Variants in POLN observed in about 807,000 individuals in gnomAD.
POLN encodes the protein DNA polymerase N.
In POLN, 108 loss-of-function variants were observed where a neutral mutation model predicts 113.5. That is an observed-to-expected ratio of 0.95 (90% CI 0.81 to 1.12). The LOEUF (loss-of-function observed/expected upper bound fraction) is 1.12. POLN is among the 50% of genes most tolerant of loss of function. The pLI, the probability that POLN is intolerant of heterozygous loss-of-function variation, is 0.00. For synonymous variants in POLN, 386 were observed against 391.5 expected (o/e 0.99, Z 0.17); for missense variants, 1,097 against 1,077.1 (o/e 1.02, Z -0.26).
rs1386479317 is a variant in POLN, at chr4:2,115,230, T to TA, written c.1982+12882_1982+12883insT. Among the ~76,000 whole-genome samples, 569 of 114,374 alleles carry TA rather than the reference T, an allele frequency of 5.0e-3. 3 individuals carry two copies. Among genetic ancestry groups the TA allele is most frequent in the Middle Eastern group, 0.012 (3 of 248 alleles). The allele number at this position is 114,374 out of a possible 152,430, so 75.0% of individuals were successfully genotyped here. The stretch of plus-strand genomic sequence containing the variant: ...CAGCTATATATATATATATATATAT[T>TA]TTTTTTTTTGTAGTTTTAGTAGAGA... On this transcript the variant is annotated intron_variant, in intron 19 of 25. Coordinates refer to ENST00000511885, the MANE Select transcript of POLN (RefSeq NM_181808.4).
chr4:2,129,981 C>A (rs561465162), intron 17 of POLN, among the ~76,000 whole-genome samples: 1 of 151,818 alleles, frequency 6.6e-6, no homozygotes, highest in South Asian at 2.1e-4. Flanking sequence ...GGGCGGGGAG[C>A]ACTGGCTCAC....
At chr4:2,173,025 C>T (rs1404735084) in intron 11 of POLN, among the ~76,000 whole-genome samples, 1 of 152,172 alleles carries the variant, frequency 6.6e-6, no homozygotes, top group Admixed American at 6.5e-5. Context: ...GGTAAAAGGC[C>T]ACACGTAAGT....
intron 23 of POLN, chr4:2,079,991 G>C (rs1204127819): frequency 2.0e-6 from 2 of 985,544 alleles, no homozygotes; most frequent in East Asian, 2.3e-4. Context: ...CAGAGTCCCT[G>C]GGGCAGTGCT....
intron 24 of POLN, 152 bp downstream of exon 24, chr4:2,075,300 C>G (rs1236031383): frequency 1.1e-6 from 1 of 883,514 alleles, no homozygotes; most frequent in East Asian, 2.7e-5. Flanking sequence ...CCTCTGCCTG[C>G]CAGGACCCAG....
chr4:2,118,424 A>G (rs1230273454), intron 19 of POLN, among the ~76,000 whole-genome samples: 2 of 152,210 alleles, frequency 1.3e-5, no homozygotes, highest in Admixed American at 6.5e-5. Flanking sequence ...CTACTTGTAC[A>G]TAGGCCAATT....
chr4:2,092,210 C>A (rs1319481928), intron 20 of POLN, among the ~76,000 whole-genome samples: 1 of 152,140 alleles, frequency 6.6e-6, no homozygotes, highest in African/African-American at 2.4e-5. Flanking sequence ...CTGAGCCAGG[C>A]GGTGTGCCCT....
At chr4:2,191,701 T>C (rs1022676531) in intron 7 of POLN, among the ~76,000 whole-genome samples, 1 of 152,112 alleles carries the variant, frequency 6.6e-6, no homozygotes, top group Non-Finnish European at 1.5e-5. Flanking sequence ...GGAGAGATGA[T>C]GGTGTTGTCT....
At chr4:2,073,499 C>G (rs570583818) in intron 24 of POLN, among the ~76,000 whole-genome samples, 104 of 152,240 alleles carry the variant, frequency 6.8e-4, no homozygotes, top group Non-Finnish European at 9.7e-4. Context: ...CCCATCCCCA[C>G]TACTGCCCGG....
At chr4:2,222,077 T>G (rs982763594) in intron 3 of POLN, among the ~76,000 whole-genome samples, 3 of 152,192 alleles carry the variant, frequency 2.0e-5, no homozygotes, top group Admixed American at 1.3e-4. Flanking sequence ...AAAATAAACT[T>G]TCTAAATTGA....
chr4:2,114,716 T>C (rs1211468820), intron 19 of POLN, among the ~76,000 whole-genome samples: 1 of 152,204 alleles, frequency 6.6e-6, no homozygotes, highest in African/African-American at 2.4e-5. Context: ...TAATGTGTTG[T>C]GTTCTTTGCA....
At chr4:2,076,781 C>T (rs541482013) in intron 23 of POLN, 1 of 152,416 alleles carries the variant, frequency 6.6e-6, no homozygotes, top group African/African-American at 2.4e-5. Context: ...CCCCAGGGTA[C>T]AGGTGGGCTG....
intron 19 of POLN, among the ~76,000 whole-genome samples, chr4:2,107,629 C>T (rs1006706516): frequency 5.9e-5 from 9 of 152,084 alleles, no homozygotes; most frequent in African/African-American, 1.9e-4. Flanking sequence ...GTTGTGGAAA[C>T]GCGAAGAGAG....
At chr4:2,121,388 T>C (rs1232602414) in intron 19 of POLN, among the ~76,000 whole-genome samples, 1 of 150,244 alleles carries the variant, frequency 6.7e-6, no homozygotes, top group Admixed American at 6.7e-5. Context: ...TGAGCCAAGA[T>C]TGCGCCACTA....
In POLN at chr4:2,154,383, G is replaced by A. The variant is rs578091911; in HGVS notation, c.1731+2405C>T. Among the ~76,000 whole-genome samples the A allele has an allele frequency of 5.9e-5, 9 of 152,054 alleles. No homozygotes were observed. The East Asian group carries it at 9.6e-4, about 16-fold the overall frequency. On this transcript the variant is annotated intron_variant, in intron 16 of 25. Transcript: ENST00000511885. ...AAAAATAAACACCCTCCAGAGAAATGGGCAAATGACATGAACAGGCAATTC... is the reference window on the plus strand; with the variant it reads ...AAAAATAAACACCCTCCAGAGAAATAGGCAAATGACATGAACAGGCAATTC...
At chr4:2,162,006 C>T (rs565412411) in intron 13 of POLN, among the ~76,000 whole-genome samples, 6 of 152,234 alleles carry the variant, frequency 3.9e-5, no homozygotes, top group African/African-American at 7.2e-5. Flanking sequence ...CACCAATCAG[C>T]GCCCTGTCAA....
At chr4:2,229,638 A>C (rs1734505718) in intron 2 of POLN, 1 of 153,420 alleles carries the variant, frequency 6.5e-6, no homozygotes, top group Non-Finnish European at 1.4e-5. Context: ...CAACCTGGCC[A>C]ACATGATGAA....
intron 5 of POLN, among the ~76,000 whole-genome samples, chr4:2,203,787 T>C (rs905370503): frequency 2.0e-5 from 3 of 151,614 alleles, no homozygotes; most frequent in South Asian, 2.1e-4. Flanking sequence ...CTCAATGATA[T>C]TGAAACAAAC....
chr4:2,183,588 A>G (rs1733195938), intron 7 of POLN, among the ~76,000 whole-genome samples: 3 of 152,224 alleles, frequency 2.0e-5, no homozygotes, highest in Admixed American at 6.5e-5. Flanking sequence ...GTGCAATTCT[A>G]TTCATGTTAA....
At chr4:2,191,789 A>G (rs961010656) in intron 7 of POLN, among the ~76,000 whole-genome samples, 1 of 152,214 alleles carries the variant, frequency 6.6e-6, no homozygotes, top group African/African-American at 2.4e-5. Context: ...GTTTTGCTAC[A>G]AAGGATCCAG....
Sources: gnomAD v4.1 joint callset for allele counts (sites outside exome capture counted in the v4.1 genomes callset) on GRCh38, gnomAD v4.1.1 for gene constraint, MANE v1.5 for transcripts, NCBI Gene and HGNC (gene_info 2026-07-23, HGNC 2026-07-21) for gene names.